PRKG1: variants seen among roughly 807,000 people sequenced by gnomAD.
PRKG1 encodes cGMP-dependent protein kinase 1.
PRKG1 carries 35 observed loss-of-function variants against 88.1 expected under a neutral mutation model. The ratio of observed to expected loss-of-function variants is 0.40; its 90% CI spans 0.30 to 0.53. The LOEUF is 0.53. PRKG1 is among the 20% of genes least tolerant of loss of function. The pLI, the probability that PRKG1 is intolerant of heterozygous loss-of-function variation, is 0.59. For missense variants in PRKG1, 540 were observed against 839.8 expected (o/e 0.64, Z 4.41); for synonymous variants, 303 against 292.5 (o/e 1.04, Z -0.37).
chr10:52,145,770 G>A (rs942634864), intron 8 of PRKG1, among the ~76,000 whole-genome samples: 1 of 152,156 alleles, frequency 6.6e-6, no homozygotes, highest in Non-Finnish European at 1.5e-5. Flanking sequence ...AAAGATCTAA[G>A]ACTTTTCTTT....
intron 2 of PRKG1, among the ~76,000 whole-genome samples, chr10:51,217,341 C>G (rs1838398487): frequency 1.3e-5 from 2 of 152,064 alleles, no homozygotes; most frequent in South Asian, 4.1e-4. Context: ...TTAGCCGTGT[C>G]TAAATGGTTT....
chr10:51,775,152 G>A (rs1311881683), intron 3 of PRKG1, among the ~76,000 whole-genome samples: 2 of 152,072 alleles, frequency 1.3e-5, no homozygotes, highest in Admixed American at 6.6e-5. Context: ...AGAGCTACTT[G>A]CAGGGGAGGT....
intron 1 of PRKG1, among the ~76,000 whole-genome samples, chr10:51,017,729 T>C (rs1179128331): frequency 6.6e-6 from 1 of 152,116 alleles, no homozygotes; most frequent in Admixed American, 6.5e-5. Context: ...TCATCATTTT[T>C]ATATCTTCAG....
At chr10:51,673,651 A>G (rs78970898) in intron 3 of PRKG1, among the ~76,000 whole-genome samples, 7,850 of 152,290 alleles carry the variant, frequency 0.052, 281 homozygotes, top group Middle Eastern at 0.085. Context: ...CTGTGTTTTT[A>G]AAGAATATCT....
chr10:51,721,651 A>G (rs1842016094), intron 3 of PRKG1, among the ~76,000 whole-genome samples: 1 of 152,212 alleles, frequency 6.6e-6, no homozygotes, highest in Non-Finnish European at 1.5e-5. Context: ...TGCTGCTAAT[A>G]TAATTAATAA....
At chr10:51,759,067 G>T (rs1361876018) in intron 3 of PRKG1, among the ~76,000 whole-genome samples, 1 of 152,074 alleles carries the variant, frequency 6.6e-6, no homozygotes, top group African/African-American at 2.4e-5. Flanking sequence ...TGGTTTATAT[G>T]TGCAACATTT....
intron 1 of PRKG1, among the ~76,000 whole-genome samples, chr10:51,018,966 T>C (rs185233955): frequency 5.9e-4 from 90 of 152,306 alleles, no homozygotes; most frequent in African/African-American, 2.1e-3. Context: ...CAAGACACTT[T>C]TAAATAATGG....
chr10:52,172,019 G>T (rs1310860088), intron 9 of PRKG1, among the ~76,000 whole-genome samples: 1 of 150,844 alleles, frequency 6.6e-6, no homozygotes, highest in African/African-American at 2.4e-5. Context: ...AGCCAGGATG[G>T]TCTCGATCTC....
chr10:51,650,782 A>G (rs1840019758), intron 3 of PRKG1, among the ~76,000 whole-genome samples: 1 of 152,144 alleles, frequency 6.6e-6, no homozygotes, highest in South Asian at 2.1e-4. Flanking sequence ...CAAGGCTTTC[A>G]TTAGCACTTC....
At chr10:51,742,626 G>A (rs1441428011) in intron 3 of PRKG1, among the ~76,000 whole-genome samples, 1 of 152,170 alleles carries the variant, frequency 6.6e-6, no homozygotes, top group African/African-American at 2.4e-5. Context: ...ATGTGGAGTT[G>A]TGGTGGGTGC....
At chr10:51,703,306 A>G (rs1297046359) in intron 3 of PRKG1, among the ~76,000 whole-genome samples, 1 of 152,224 alleles carries the variant, frequency 6.6e-6, no homozygotes, top group African/African-American at 2.4e-5. Flanking sequence ...AATTCCAAAG[A>G]CAAGAACTAC....
rs181200690 is a variant in PRKG1, at chr10:51,964,563, A to G, written c.762+56993A>G. Among the ~76,000 whole-genome samples the G allele has an allele frequency of 1.8e-3, 276 of 152,356 alleles. 1 individual carries two copies. The highest frequency in any genetic ancestry group is 6.1e-3 in the African/African-American group (252 of 41,578). ...TAAGAGATTTATGGAGCAGAAATGT[A>G]TTTGAAACAGGTTGTGGTGTAAAAA... On this transcript the variant is annotated intron_variant, in intron 5 of 17. Coordinates refer to ENST00000373980, the MANE Select transcript of PRKG1 (RefSeq NM_006258.4).
intron 1 of PRKG1, among the ~76,000 whole-genome samples, chr10:51,028,465 A>C (rs1843238206): frequency 6.6e-6 from 1 of 152,158 alleles, no homozygotes; most frequent in African/African-American, 2.4e-5. Flanking sequence ...TTCTCAATGA[A>C]AGCCTAGTGC....
chr10:51,154,770 C>T (rs1053032037), intron 2 of PRKG1, among the ~76,000 whole-genome samples: 5 of 151,844 alleles, frequency 3.3e-5, no homozygotes, highest in African/African-American at 1.2e-4. Context: ...TTTAGACTTT[C>T]TTCTGGTGAC....
chr10:51,217,888 A>G (rs371483763), intron 2 of PRKG1, among the ~76,000 whole-genome samples: 16 of 152,246 alleles, frequency 1.1e-4, no homozygotes, highest in Middle Eastern at 3.4e-3. Flanking sequence ...ATTTCTTTAG[A>G]GTTTCTCTGC....
intron 3 of PRKG1, among the ~76,000 whole-genome samples, chr10:51,751,506 GT>G (rs1837725302): frequency 6.6e-6 from 1 of 152,182 alleles, no homozygotes; most frequent in South Asian, 2.1e-4. Context: ...GGGATTACAA[GT>G]GTGAGCCATT....
intron 6 of PRKG1, among the ~76,000 whole-genome samples, chr10:52,055,007 A>T (rs1019854695): frequency 6.6e-6 from 1 of 152,130 alleles, no homozygotes; most frequent in Admixed American, 6.6e-5. Flanking sequence ...ATGGTGGTGC[A>T]TGCCTGTCAT....
intron 3 of PRKG1, among the ~76,000 whole-genome samples, chr10:51,492,511 CAG>C (rs1564521286): frequency 3.3e-5 from 5 of 152,072 alleles, no homozygotes; most frequent in Admixed American, 2.0e-4. Flanking sequence ...TAAGCTAATC[CAG>C]TTAATCAGAA....
chr10:51,305,906 A>C (rs569997760), intron 2 of PRKG1, among the ~76,000 whole-genome samples: 63 of 152,294 alleles, frequency 4.1e-4, no homozygotes, highest in African/African-American at 1.5e-3. Flanking sequence ...CAGAGGAATA[A>C]GAGGTTGAAT....
Sources: gnomAD v4.1 joint callset for allele counts (sites outside exome capture counted in the v4.1 genomes callset) on GRCh38, gnomAD v4.1.1 for gene constraint, MANE v1.5 for transcripts, NCBI Gene and HGNC (gene_info 2026-07-23, HGNC 2026-07-21) for gene names.